The following PRKN variants were observed in gnomAD, a reference collection of about 807,000 sequenced individuals.
The protein encoded by PRKN is E3 ubiquitin-protein ligase parkin.
Under a neutral mutation model 59.5 loss-of-function variants are expected in PRKN, and 56 were observed. That is an observed-to-expected ratio of 0.94 (90% CI 0.76 to 1.18). The LOEUF is 1.18. Ranked by LOEUF, PRKN falls within the 50% of genes most tolerant of loss-of-function variation. The pLI is 0.00. For synonymous variants in PRKN, 250 were observed against 222.1 expected (o/e 1.13, Z -1.12); for missense variants, 657 against 596.4 (o/e 1.10, Z -1.06).
intron 1 of PRKN, among the ~76,000 whole-genome samples, chr6:162,675,925 G>A (rs192701300): frequency 2.5e-3 from 382 of 152,236 alleles, no homozygotes; most frequent in Non-Finnish European, 4.3e-3. Flanking sequence ...AAGATTACTA[G>A]GTTAGAAAGT....
In PRKN at chr6:161,973,418, C is replaced by T; in HGVS notation, c.619-1G>A. ...GTGCTCCACATTTAAAGAAAAATTCCTGAAAGAAAGATAAATATGATCACA... is the reference window on the plus strand; with the variant it reads ...GTGCTCCACATTTAAAGAAAAATTCTTGAAAGAAAGATAAATATGATCACA... On this transcript the variant is annotated splice_acceptor_variant, in intron 5 of 11. Transcript: ENST00000366898. LOFTEE classifies it high-confidence loss of function. 6.3e-7 allele frequency: 1 copy of T among 1,575,100 alleles called. No individual in the cohort carries two copies. The highest frequency in any genetic ancestry group is 1.7e-5 in the Admixed American group (1 of 59,950).
rs34171246 is a variant in PRKN, at chr6:161,719,223, GTT to G, written c.871+66547_871+66548del. Among the ~76,000 whole-genome samples, 1,083 of 147,746 alleles carry G rather than the reference GTT, an allele frequency of 7.3e-3. 9 individuals carry two copies. The highest frequency in any genetic ancestry group is 0.025 in the African/African-American group (1,034 of 40,808). The stretch of plus-strand genomic sequence containing the variant: ...TGTGCTGACAGTCTTCATTAATGGA[GTT>G]TTTTTTTTTTAAGTATTTTTAAGTA... On this transcript the variant is annotated intron_variant, in intron 7 of 11. Coordinates refer to ENST00000366898, the MANE Select transcript of PRKN (RefSeq NM_004562.3).
intron 7 of PRKN, among the ~76,000 whole-genome samples, chr6:161,677,905 T>C (rs1383222263): frequency 1.3e-5 from 2 of 152,182 alleles, no homozygotes; most frequent in African/African-American, 4.8e-5. Context: ...CAGCTACTCA[T>C]GGACTCAAAT....
At chr6:162,673,015 A>G (rs1055155873) in intron 1 of PRKN, among the ~76,000 whole-genome samples, 3 of 152,214 alleles carry the variant, frequency 2.0e-5, no homozygotes, top group African/African-American at 7.2e-5. Flanking sequence ...TGAAAATGGG[A>G]AACAAGTTTA....
At chr6:162,113,115 C>T (rs1780512271) in intron 4 of PRKN, among the ~76,000 whole-genome samples, 1 of 152,290 alleles carries the variant, frequency 6.6e-6, no homozygotes, top group South Asian at 2.1e-4. Flanking sequence ...CTGACATCCT[C>T]CTATAAAAGG....
At chr6:162,649,266 T>C (rs1296989101) in intron 1 of PRKN, among the ~76,000 whole-genome samples, 1 of 152,196 alleles carries the variant, frequency 6.6e-6, no homozygotes, top group Non-Finnish European at 1.5e-5. Context: ...AATCTCTATT[T>C]TCATGGGGCT....
rs144613342 is a variant in PRKN at position 161,673,829 on chromosome 6, G to A, written c.872-104413C>T. ...TGTGTGGTGTGAGAGCAAGAGAGGA[G>A]TCAAGATAACTTGGAGATGATGCTT... On this transcript the variant is annotated intron_variant, in intron 7 of 11. Coordinates refer to ENST00000366898, the MANE Select transcript of PRKN (RefSeq NM_004562.3). 3.6e-3 allele frequency among the ~76,000 whole-genome samples: 555 copies of A among 152,278 alleles called. 6 individuals carry two copies. The highest frequency in any genetic ancestry group is 0.013 in the African/African-American group (530 of 41,566).
rs544159946 is a variant in PRKN, at chr6:161,362,228, A to G, written c.1168-2023T>C. Among the ~76,000 whole-genome samples the G allele has an allele frequency of 1.3e-5, 2 of 152,348 alleles. No homozygotes were observed. Among genetic ancestry groups the G allele is most frequent in the South Asian group, 2.1e-4 (1 of 4,820 alleles). On this transcript the variant is annotated intron_variant, in intron 10 of 11. Coordinates refer to ENST00000366898, the MANE Select transcript of PRKN (RefSeq NM_004562.3). This position sits in a 1 kb window ranked among gnomAD's most constrained non-coding sequence, Gnocchi z 5.2. ...CACACCTAAAAATGCTGGATCAAAT[A>G]TGGAAAAAAATCTTTTTTAAACGTA...
At chr6:162,461,614 A>G (rs1791182709) in intron 1 of PRKN, among the ~76,000 whole-genome samples, 1 of 151,330 alleles carries the variant, frequency 6.6e-6, no homozygotes, top group Non-Finnish European at 1.5e-5. Flanking sequence ...TGAGGTCAAG[A>G]GTTCAAGACC....
intron 1 of PRKN, among the ~76,000 whole-genome samples, chr6:162,575,471 A>C (rs150550545): frequency 5.2e-4 from 79 of 152,254 alleles, no homozygotes; most frequent in Non-Finnish European, 9.1e-4. Flanking sequence ...TCCTGAGAGC[A>C]CATGCCGCTT....
At chr6:161,426,097 A>G (rs990705671) in intron 9 of PRKN, among the ~76,000 whole-genome samples, 3 of 152,126 alleles carry the variant, frequency 2.0e-5, no homozygotes, top group Non-Finnish European at 4.4e-5. Flanking sequence ...GGAGCAAAAA[A>G]TGTGATGGGG....
chr6:162,320,264 T>G (rs2128121328), intron 2 of PRKN, among the ~76,000 whole-genome samples: 1 of 143,672 alleles, frequency 7.0e-6, no homozygotes, highest in South Asian at 2.2e-4. Flanking sequence ...AGTGCTGCAA[T>G]AAACACAAAG....
Position 161,371,054 on chromosome 6 carries a change from A to G in PRKN, c.1168-10849T>C, listed in dbSNP as rs1052295629. Among the ~76,000 whole-genome samples the G allele has an allele frequency of 6.6e-6, 1 of 152,102 alleles. No individual in the cohort carries two copies. The highest frequency in any genetic ancestry group is 2.4e-5 in the African/African-American group (1 of 41,414). ...CTTTTCAGGGGCCTTGAGCTAGTCAACGTTACTGCTTGGCAACGGGTGTCA... is the reference window on the plus strand; with the variant it reads ...CTTTTCAGGGGCCTTGAGCTAGTCAGCGTTACTGCTTGGCAACGGGTGTCA... On this transcript the variant is annotated intron_variant, in intron 10 of 11. Transcript: ENST00000366898. This position sits in a 1 kb window ranked among gnomAD's most constrained non-coding sequence, Gnocchi z 5.5.
chr6:162,325,489 C>A (rs1013485287), intron 2 of PRKN, among the ~76,000 whole-genome samples: 3 of 152,130 alleles, frequency 2.0e-5, no homozygotes, highest in Admixed American at 2.0e-4. Flanking sequence ...CCTCAGACAT[C>A]TCTTTTCTAT....
chr6:161,459,947 A>G lies in PRKN; in HGVS notation c.1084-73070T>C, dbSNP rs1790130248. Reference sequence around the variant, plus strand: ...AGAAAATGGCTGTTGATATTTTGTAAAAAAAAAAATCTATTTATCCATCAA... The same window carrying G: ...AGAAAATGGCTGTTGATATTTTGTAGAAAAAAAAATCTATTTATCCATCAA... On this transcript the variant is annotated intron_variant, in intron 9 of 11. Transcript: ENST00000366898. This position sits in a 1 kb window ranked among gnomAD's most constrained non-coding sequence, Gnocchi z 4.8. Among the ~76,000 whole-genome samples the G allele has an allele frequency of 6.8e-6, 1 of 147,436 alleles. No homozygotes were observed. The highest frequency in any genetic ancestry group is 2.2e-4 in the South Asian group (1 of 4,502).
chr6:162,632,854 A>G (rs1777557996), intron 1 of PRKN, among the ~76,000 whole-genome samples: 1 of 152,144 alleles, frequency 6.6e-6, no homozygotes, highest in East Asian at 1.9e-4. Context: ...AATATAATAC[A>G]AAATAATCAG....
rs548203512 is a variant in PRKN, at chr6:162,270,974, T to G, written c.172-8209A>C. 1.8e-3 allele frequency among the ~76,000 whole-genome samples: 279 copies of G among 151,524 alleles called. 1 individual carries two copies. The highest frequency in any genetic ancestry group is 3.6e-3 in the Admixed American group (55 of 15,218). The stretch of plus-strand genomic sequence containing the variant: ...CTCTTATGGCAGCCTCCTGAGTTGC[T>G]GAGACTACAGGCACACGCCACTACA... On this transcript the variant is annotated intron_variant, in intron 2 of 11. Coordinates refer to ENST00000366898, the MANE Select transcript of PRKN (RefSeq NM_004562.3).
At chr6:161,827,292 T>C (rs1421730244) in intron 6 of PRKN, among the ~76,000 whole-genome samples, 3 of 152,176 alleles carry the variant, frequency 2.0e-5, no homozygotes, top group Admixed American at 6.5e-5. Flanking sequence ...TCAGAGGTAG[T>C]CTAGGGAACT....
Position 161,456,013 on chromosome 6 carries a change from G to GA in PRKN, c.1084-69137dup, listed in dbSNP as rs1048094858. Among the ~76,000 whole-genome samples the GA allele has an allele frequency of 6.6e-6, 1 of 152,128 alleles. No homozygotes were observed. Among genetic ancestry groups the GA allele is most frequent in the African/African-American group, 2.4e-5 (1 of 41,418 alleles). On this transcript the variant is annotated intron_variant, in intron 9 of 11. Transcript: ENST00000366898. The surrounding 1 kb of genome is among the most constrained non-coding windows in gnomAD (Gnocchi z 4.8). ...GTTTCTTCCAGTTCAAAATCACTAT[G>GA]AAAAAATGTTTTCCTAAGGAGAACG...
Sources: allele counts gnomAD v4.1 joint callset (sites outside exome capture counted in the v4.1 genomes callset), GRCh38; gene constraint gnomAD v4.1.1; non-coding constraint Gnocchi (gnomAD v3.1); transcripts MANE v1.5; gene names NCBI Gene and HGNC (gene_info 2026-07-23, HGNC 2026-07-21).